IGSF3: variants seen among roughly 807,000 people sequenced by gnomAD.
IGSF3 encodes the protein glu-Trp-Ile EWI motif-containing protein 3.
A neutral mutation model predicts 114.4 loss-of-function variants in IGSF3; 23 were observed. The ratio of observed to expected loss-of-function variants is 0.20; its 90% CI spans 0.14 to 0.28. The LOEUF (loss-of-function observed/expected upper bound fraction) is 0.28. Ranked by LOEUF, IGSF3 falls within the 10% of genes least tolerant of loss-of-function variation. The probability of loss-of-function intolerance (pLI) is 1.00; values close to 1 mark genes in which losing one functional copy is unlikely to be tolerated. For missense variants in IGSF3, 1,172 were observed against 1,591.5 expected (o/e 0.74, Z 4.48); for synonymous variants, 571 against 645.2 (o/e 0.88, Z 1.74).
chr1:116,601,413 A>T (rs181696160), intron 6 of IGSF3, among the ~76,000 whole-genome samples: 2 of 152,332 alleles, frequency 1.3e-5, no homozygotes, highest in East Asian at 3.9e-4. Flanking sequence ...CAGCTGAGTG[A>T]CATTAAAGTT....
rs766818136 is a variant in IGSF3, at chr1:116,648,627, C to T, written c.43+17657G>A. ...AAAGCGTGTGCAAAGTGCCTAGCTC[C>T]GGACTGCTTGCAGAAAAGGCACATT... On this transcript the variant is annotated intron_variant, in intron 2 of 10. Coordinates refer to ENST00000369486, the MANE Select transcript of IGSF3 (RefSeq NM_001007237.3). This position sits in a 1 kb window ranked among gnomAD's most constrained non-coding sequence, Gnocchi z 4.7. Among the ~76,000 whole-genome samples, 3 of 152,174 alleles carry T rather than the reference C, an allele frequency of 2.0e-5. No homozygotes were observed. The highest frequency in any genetic ancestry group is 4.8e-5 in the African/African-American group (2 of 41,434).
chr1:116,603,982 G>A lies in IGSF3; in HGVS notation c.1266C>T (p.Ile422=), dbSNP rs1660699292. 1 of 1,611,996 alleles carries A rather than the reference G, an allele frequency of 6.2e-7. No individual in the cohort carries two copies. The highest frequency in any genetic ancestry group is 8.5e-7 in the Non-Finnish European group (1 of 1,179,942). ...AGAAGCGCAGGTCCTCGCCCTCAAG[G>A]ATGACGCTGGCATTGCTGGCCACCT... ...SVEVASNASV[I]LEGEDLRFSC... is the part of the protein sequence containing the mutation. Residue 422 remains isoleucine, a synonymous_variant, in exon 6 of 11, where the codon ATC becomes ATT. Transcript: ENST00000369486. The surrounding 1 kb of genome is among the most constrained non-coding windows in gnomAD (Gnocchi z 7.1).
intron 2 of IGSF3, among the ~76,000 whole-genome samples, chr1:116,635,343 C>A (rs950845588): frequency 6.6e-6 from 1 of 152,222 alleles, no homozygotes; most frequent in Non-Finnish European, 1.5e-5. Context: ...TTATAGTTGG[C>A]CTTCCCCAGT....
rs1412495526 is a variant in IGSF3, at chr1:116,583,691, A to G, written c.2848+954T>C. 1.3e-5 allele frequency among the ~76,000 whole-genome samples: 2 copies of G among 152,212 alleles called. No homozygotes were observed. Among genetic ancestry groups the G allele is most frequent in the Non-Finnish European group, 2.9e-5 (2 of 68,036 alleles). Reference sequence around the variant, plus strand: ...CACTTCTCCTCCAGGTCCTTACAGGAACCATCGACTTTTCATTCTAATATG... The same window carrying G: ...CACTTCTCCTCCAGGTCCTTACAGGGACCATCGACTTTTCATTCTAATATG... On this transcript the variant is annotated intron_variant, in intron 9 of 10. Coordinates refer to ENST00000369486, the MANE Select transcript of IGSF3 (RefSeq NM_001007237.3). The surrounding 1 kb of genome is among the most constrained non-coding windows in gnomAD (Gnocchi z 4.5).
At position 116,636,439 on chromosome 1, in the gene IGSF3, G is replaced by A. The variant is rs570241307; in HGVS notation, c.44-19982C>T. On this transcript the variant is annotated intron_variant, in intron 2 of 10. Coordinates refer to ENST00000369486, the MANE Select transcript of IGSF3 (RefSeq NM_001007237.3). The surrounding 1 kb of genome is among the most constrained non-coding windows in gnomAD (Gnocchi z 4.5). Reference sequence around the variant, plus strand: ...AACTGCTGCTCTCCAATAGCATGAAGTAGACAATGATGTTCTTAGCATCCA... The same window carrying A: ...AACTGCTGCTCTCCAATAGCATGAAATAGACAATGATGTTCTTAGCATCCA... 9.2e-5 allele frequency among the ~76,000 whole-genome samples: 14 copies of A among 152,320 alleles called. No individual in the cohort carries two copies. In the East Asian group the frequency reaches 2.1e-3, roughly 23 times the overall value.
chr1:116,623,582 G>T (rs1482196946), intron 2 of IGSF3, among the ~76,000 whole-genome samples: 3 of 152,100 alleles, frequency 2.0e-5, no homozygotes, highest in African/African-American at 7.2e-5. Context: ...TGAGGCAGGA[G>T]AATTGCTTGA....
chr1:116,586,172 C>T (rs543659879), intron 8 of IGSF3, among the ~76,000 whole-genome samples: 1 of 152,308 alleles, frequency 6.6e-6, no homozygotes, highest in South Asian at 2.1e-4. Context: ...ACTTTCTACA[C>T]ACTTCAATAC....
chr1:116,598,489 T>C lies in IGSF3; in HGVS notation c.2029+1452A>G, dbSNP rs190900024. ...CAGTCTCGTCATTTATACAACTCAC[T>C]TGTTCCAAATCTGGTACAGAACAGA... On this transcript the variant is annotated intron_variant, in intron 7 of 10. Coordinates refer to ENST00000369486, the MANE Select transcript of IGSF3 (RefSeq NM_001007237.3). This position sits in a 1 kb window ranked among gnomAD's most constrained non-coding sequence, Gnocchi z 4.3. 3.2e-4 allele frequency among the ~76,000 whole-genome samples: 49 copies of C among 152,324 alleles called. 1 individual carries two copies. The highest frequency in any genetic ancestry group is 6.2e-4 in the South Asian group (3 of 4,830).
At position 116,651,853 on chromosome 1, in the gene IGSF3, A is replaced by G. The variant is rs1648646278; in HGVS notation, c.43+14431T>C. Among the ~76,000 whole-genome samples the G allele has an allele frequency of 6.6e-6, 1 of 152,218 alleles. No homozygotes were observed. The highest frequency in any genetic ancestry group is 6.5e-5 in the Admixed American group (1 of 15,274). On this transcript the variant is annotated intron_variant, in intron 2 of 10. Coordinates refer to ENST00000369486, the MANE Select transcript of IGSF3 (RefSeq NM_001007237.3). The surrounding 1 kb of genome is among the most constrained non-coding windows in gnomAD (Gnocchi z 4.4). ...ACAATCCAACTTCAGGATTGTAATT[A>G]ATTATAAATGCATTTATTTGTTTAC...
At chr1:116,653,266 A>G (rs760706071) in intron 2 of IGSF3, among the ~76,000 whole-genome samples, 7 of 152,242 alleles carry the variant, frequency 4.6e-5, no homozygotes, top group Non-Finnish European at 7.3e-5. Flanking sequence ...GCAAAAGGGA[A>G]AATATGCAGA....
Position 116,615,102 on chromosome 1 carries a change from C to T in IGSF3, c.422-927G>A, listed in dbSNP as rs1365612436. 6.6e-6 allele frequency among the ~76,000 whole-genome samples: 1 copy of T among 152,040 alleles called. No individual in the cohort carries two copies. The highest frequency in any genetic ancestry group is 6.5e-5 in the Admixed American group (1 of 15,274). On this transcript the variant is annotated intron_variant, in intron 3 of 10. Coordinates refer to ENST00000369486, the MANE Select transcript of IGSF3 (RefSeq NM_001007237.3). This position sits in a 1 kb window ranked among gnomAD's most constrained non-coding sequence, Gnocchi z 4.3. ...CCAGCCTGACCAACATGGAGAAACC[C>T]CGTCTCTACTAAAAATACAAAATTA...
Position 116,584,700 on chromosome 1 carries a change from C to A in IGSF3, c.2793G>T (p.Trp931Cys), listed in dbSNP as rs1405582531. 3.7e-6 allele frequency: 6 copies of A among 1,613,764 alleles called. No individual in the cohort carries two copies. Among genetic ancestry groups the A allele is most frequent in the Non-Finnish European group, 5.1e-6 (6 of 1,179,734 alleles). The change falls in exon 9 of 11, where the codon TGG becomes TGT. Residue 931 changes from tryptophan to cysteine, a missense_variant. Physicochemically the swap from Trp to Cys is radical, Grantham distance 215. Transcript: ENST00000369486. This position sits in a 1 kb window ranked among gnomAD's most constrained non-coding sequence, Gnocchi z 5.8. ...CAGCGGTGTCCTCTGCCCGCTTATA[C>A]CACATGCCACTGGGGCTGGGCAGCC... is the stretch of plus-strand genomic sequence containing the variant. ...EEWLPSPSGM[W>C]YKRAEDTAGQ...
rs1212051668 is a variant in IGSF3 at position 116,576,677 on chromosome 1, A to C, written c.*635T>G. The C allele has an allele frequency of 1.3e-5, 2 of 152,926 alleles. No individual in the cohort carries two copies. Among genetic ancestry groups the C allele is most frequent in the Non-Finnish European group, 2.9e-5 (2 of 68,256 alleles). 9.5% of individuals were successfully genotyped at this position (152,926 alleles called of 1,614,324 possible). On this transcript the variant is annotated 3_prime_UTR_variant, in exon 11 of 11. Transcript: ENST00000369486. This position sits in a 1 kb window ranked among gnomAD's most constrained non-coding sequence, Gnocchi z 4.6. ...TACACAGTTCTTTGAAGCAAAATTC[A>C]GTGCTTTCGTCTTGACTACAAAGTG... is the stretch of plus-strand genomic sequence containing the variant.
At chr1:116,586,198 C>T (rs1557857414) in intron 8 of IGSF3, among the ~76,000 whole-genome samples, 1 of 152,298 alleles carries the variant, frequency 6.6e-6, no homozygotes, top group East Asian at 1.9e-4. Flanking sequence ...GAATGTTTTA[C>T]AACATTCATG....
In IGSF3 at chr1:116,656,293, C is replaced by CT. The variant is rs56148691; in HGVS notation, c.43+9990dup. On this transcript the variant is annotated intron_variant, in intron 2 of 10. Coordinates refer to ENST00000369486, the MANE Select transcript of IGSF3 (RefSeq NM_001007237.3). ...ACTTTCACATTTTACTTTCTACATT[C>CT]TTTTTTTTTTTTTTTTTTTTTTTTT... Among the ~76,000 whole-genome samples, 274 of 62,462 alleles carry CT rather than the reference C, an allele frequency of 4.4e-3. 19 individuals are homozygous for CT. The highest frequency in any genetic ancestry group is 0.015 in the South Asian group (16 of 1,094). The allele number at this position is 62,462 out of a possible 152,430, so 41.0% of individuals were successfully genotyped here.
rs1661207633 is a variant in IGSF3 at position 116,616,128 on chromosome 1, T to C, written c.373A>G (p.Thr125Ala). The C allele has an allele frequency of 6.2e-6, 10 of 1,613,472 alleles. No homozygotes were observed. The highest frequency in any genetic ancestry group is 1.7e-5 in the Admixed American group (1 of 59,996). The change falls in exon 3 of 11, where the codon ACT becomes GCT. Residue 125 changes from threonine (T) to alanine (A), a missense_variant. Physicochemically the swap from Thr to Ala is moderately conservative, Grantham distance 58. Around this residue, in one of 3 missense-constraint regions of IGSF3, gnomAD observed 736 missense variants for 1,042.0 expected, o/e 0.71. Transcript: ENST00000369486. This position sits in a 1 kb window ranked among gnomAD's most constrained non-coding sequence, Gnocchi z 6.6. ...AGEYECHTPSTDKQYFGSYSA... is the reference protein window; with the variant it reads ...AGEYECHTPSADKQYFGSYSA... The stretch of plus-strand genomic sequence containing the variant: ...TAACTCCCAAAGTATTGCTTATCAG[T>C]GCTGGGTGTGTGGCATTCATACTCC...
chr1:116,665,542 G>C lies in IGSF3; in HGVS notation c.43+742C>G, dbSNP rs1324117794. 1.3e-5 allele frequency among the ~76,000 whole-genome samples: 2 copies of C among 152,148 alleles called. No individual in the cohort carries two copies. Among genetic ancestry groups the C allele is most frequent in the Non-Finnish European group, 2.9e-5 (2 of 68,016 alleles). ...GTTGAGCAGAGGGGCCTCTTCACTG[G>C]GGTGAAGGTCCTGCATCTGCACCTT... On this transcript the variant is annotated intron_variant, in intron 2 of 10. Transcript: ENST00000369486. The surrounding 1 kb of genome is among the most constrained non-coding windows in gnomAD (Gnocchi z 4.0).
intron 7 of IGSF3, among the ~76,000 whole-genome samples, chr1:116,597,702 T>TG (rs1325413920): frequency 8.5e-5 from 13 of 152,186 alleles, no homozygotes; most frequent in Non-Finnish European, 1.9e-4. Context: ...AGAGCAGATC[T>TG]GGGGTCTCCC....
At position 116,638,739 on chromosome 1, in the gene IGSF3, T is replaced by C. The variant is rs1463253761; in HGVS notation, c.44-22282A>G. On this transcript the variant is annotated intron_variant, in intron 2 of 10. Coordinates refer to ENST00000369486, the MANE Select transcript of IGSF3 (RefSeq NM_001007237.3). The surrounding 1 kb of genome is among the most constrained non-coding windows in gnomAD (Gnocchi z 4.1). ...AGGGAAGAAATGGGGAAAACAGCAA[T>C]AGGACCAGCTAACTCCTACAGCAGA... Among the ~76,000 whole-genome samples the C allele has an allele frequency of 6.6e-6, 1 of 152,158 alleles. No homozygotes were observed. The highest frequency in any genetic ancestry group is 1.9e-4 in the East Asian group (1 of 5,196).
Sources: gnomAD v4.1 joint callset for allele counts (sites outside exome capture counted in the v4.1 genomes callset) on GRCh38, gnomAD v4.1.1 for gene constraint, gnomAD v4.1.1 regional missense constraint, Gnocchi (gnomAD v3.1) non-coding constraint, MANE v1.5 for transcripts, NCBI Gene and HGNC (gene_info 2026-07-23, HGNC 2026-07-21) for gene names.